The following LRRC7 variants were observed in gnomAD, a reference collection of about 807,000 sequenced individuals.
LRRC7 encodes leucine rich repeat containing 7.
A neutral mutation model predicts 175.7 loss-of-function variants in LRRC7; 23 were observed. That is an observed-to-expected ratio of 0.13 (90% confidence interval 0.09 to 0.19). The LOEUF (loss-of-function observed/expected upper bound fraction) is 0.19, where lower values mean the gene tolerates loss of function less well. Ranked by LOEUF, LRRC7 falls within the 10% of genes least tolerant of loss-of-function variation. The probability of loss-of-function intolerance (pLI) is 1.00; values close to 1 mark genes in which losing one functional copy is unlikely to be tolerated. For missense variants in LRRC7, 1,354 were observed against 1,904.7 expected, an observed-to-expected ratio of 0.71 and a Z score of 5.38; for synonymous variants, 685 against 680.9, an observed-to-expected ratio of 1.01 and a Z score of -0.09.
At chr1:69,649,800 A>G (rs1655518757) in intron 1 of LRRC7, among the ~76,000 whole-genome samples, 1 of 152,084 alleles carries the variant, frequency 6.6e-6, no homozygotes, top group Non-Finnish European at 1.5e-5. Context: ...AGCTTTAGAC[A>G]TTACAAAACG....
At chr1:69,802,661 C>T (rs142217825) in intron 4 of LRRC7, among the ~76,000 whole-genome samples, 118 of 151,364 alleles carry the variant, frequency 7.8e-4, no homozygotes, top group African/African-American at 2.8e-3. Context: ...ATTCATGTTG[C>T]TTAATCCATA....
intron 8 of LRRC7, among the ~76,000 whole-genome samples, chr1:69,963,305 C>CA (rs112678826): frequency 0.021 from 2,214 of 106,132 alleles, 29 homozygotes; most frequent in African/African-American, 0.036. Context: ...GACACCGTCT[C>CA]AAAAAAAAAA....
At chr1:70,119,162 A>C (rs527528043) in intron 26 of LRRC7, among the ~76,000 whole-genome samples, 28 of 152,068 alleles carry the variant, frequency 1.8e-4, no homozygotes, top group Non-Finnish European at 4.0e-4. Context: ...TAACATACTG[A>C]GGGCTCGAGG....
At chr1:69,735,680 G>C (rs1668035341) in intron 2 of LRRC7, among the ~76,000 whole-genome samples, 1 of 152,014 alleles carries the variant, frequency 6.6e-6, no homozygotes, top group African/African-American at 2.4e-5. Context: ...TCCATTGATG[G>C]TCCTTGACTG....
chr1:69,643,422 C>T (rs1206648565), intron 1 of LRRC7, among the ~76,000 whole-genome samples: 1 of 152,060 alleles, frequency 6.6e-6, no homozygotes, highest in Non-Finnish European at 1.5e-5. Flanking sequence ...TGGCCAACTG[C>T]CAGCCAATAT....
At chr1:70,016,582 G>A (rs1656981028) in intron 14 of LRRC7, 48 bp downstream of exon 14, 2 of 1,401,342 alleles carry the variant, frequency 1.4e-6, no homozygotes, top group South Asian at 1.4e-5. Flanking sequence ...AACTATAATT[G>A]AAAGTTTGAA....
intron 7 of LRRC7, among the ~76,000 whole-genome samples, chr1:69,925,783 T>C (rs1647052142): frequency 6.6e-6 from 1 of 151,606 alleles, no homozygotes; most frequent in Admixed American, 6.6e-5. Flanking sequence ...GAAGGGTTTT[T>C]TTGTGTCTCT....
chr1:69,980,507 T>C (rs1653311679), intron 9 of LRRC7, 54 bp downstream of exon 9: 1 of 1,317,632 alleles, frequency 7.6e-7, no homozygotes, highest in African/African-American at 1.5e-5. Flanking sequence ...ACGTTTGTTG[T>C]ATTTGATCAT....
chr1:69,928,004 C>T lies in LRRC7; in HGVS notation c.648-3503C>T, dbSNP rs1226061845. Among the ~76,000 whole-genome samples, 3 of 151,858 alleles carry T rather than the reference C, an allele frequency of 2.0e-5. No homozygotes were observed. The East Asian group carries it at 5.8e-4, about 29-fold the overall frequency. On this transcript the variant is annotated intron_variant, in intron 7 of 26. Coordinates refer to ENST00000651989, the MANE Select transcript of LRRC7 (RefSeq NM_001370785.2). Reference sequence around the variant, plus strand: ...GGTTTTTGCTGTGGATATTTTTTCTCTTTGTTTTCCTTCTACCAGACAGGA... The same window carrying T: ...GGTTTTTGCTGTGGATATTTTTTCTTTTTGTTTTCCTTCTACCAGACAGGA...
At chr1:69,804,343 G>C (rs532328049) in intron 4 of LRRC7, among the ~76,000 whole-genome samples, 15 of 151,346 alleles carry the variant, frequency 9.9e-5, no homozygotes, top group African/African-American at 3.6e-4. Flanking sequence ...ACTTCTCTAA[G>C]ACAAATACCA....
At chr1:69,749,963 A>G (rs1348238798) in intron 2 of LRRC7, among the ~76,000 whole-genome samples, 1 of 151,988 alleles carries the variant, frequency 6.6e-6, no homozygotes, top group Non-Finnish European at 1.5e-5. Flanking sequence ...CGGGAGGCTG[A>G]GGCAGGGGAA....
intron 2 of LRRC7, among the ~76,000 whole-genome samples, chr1:69,754,979 A>T (rs1231355382): frequency 6.6e-6 from 1 of 151,998 alleles, no homozygotes; most frequent in Non-Finnish European, 1.5e-5. Context: ...AAATTCTAAC[A>T]CTGTAACTCT....
chr1:69,587,084 T>C (rs1048928520), intron 1 of LRRC7, among the ~76,000 whole-genome samples: 1 of 152,172 alleles, frequency 6.6e-6, no homozygotes, highest in Non-Finnish European at 1.5e-5. Flanking sequence ...TATTTGTAAG[T>C]ATGCAAGTAG....
intron 18 of LRRC7, among the ~76,000 whole-genome samples, chr1:70,033,423 G>A (rs1658977621): frequency 6.6e-6 from 1 of 152,182 alleles, no homozygotes; most frequent in African/African-American, 2.4e-5. Flanking sequence ...GTAATTTATG[G>A]CCATTATCAT....
intron 2 of LRRC7, among the ~76,000 whole-genome samples, chr1:69,752,847 AT>A (rs1196834967): frequency 6.6e-6 from 1 of 152,098 alleles, no homozygotes; most frequent in Non-Finnish European, 1.5e-5. Flanking sequence ...ATTTTAAGAC[AT>A]TTACTAGAAG....
intron 7 of LRRC7, among the ~76,000 whole-genome samples, chr1:69,898,256 A>G (rs1299713557): frequency 2.0e-5 from 3 of 152,220 alleles, no homozygotes; most frequent in African/African-American, 7.2e-5. Context: ...GGAAAGGCAC[A>G]TGGTATATTC....
intron 1 of LRRC7, among the ~76,000 whole-genome samples, chr1:69,587,951 G>A (rs572190265): frequency 1.3e-5 from 2 of 152,186 alleles, no homozygotes; most frequent in African/African-American, 2.4e-5. Flanking sequence ...GGACTAATAC[G>A]CCTTCCTATG....
At chr1:69,825,628 T>A (rs756947045) in intron 4 of LRRC7, 120 bp from the exon 5 acceptor site, 5 of 473,142 alleles carry the variant, frequency 1.1e-5, no homozygotes, top group Non-Finnish European at 1.8e-5. Context: ...ATGCTTATCC[T>A]AAATGGTGTT....
intron 1 of LRRC7, among the ~76,000 whole-genome samples, chr1:69,618,281 A>T (rs1169469180): frequency 6.6e-6 from 1 of 152,160 alleles, no homozygotes; most frequent in African/African-American, 2.4e-5. Flanking sequence ...TCATGCAAGT[A>T]TTGAGGCCAG....
Sources: gnomAD v4.1 joint callset for allele counts (sites outside exome capture counted in the v4.1 genomes callset) on GRCh38, gnomAD v4.1.1 for gene constraint, MANE v1.5 for transcripts, NCBI Gene and HGNC (gene_info 2026-07-23, HGNC 2026-07-21) for gene names.